The following ASF1A variants were observed in gnomAD, a reference collection of about 807,000 sequenced individuals.
ASF1A encodes the protein anti-silencing function 1A histone chaperone.
A neutral mutation model predicts 22.0 loss-of-function variants in ASF1A; 5 were observed. That is an observed-to-expected ratio of 0.23 (90% confidence interval 0.12 to 0.48). The LOEUF (loss-of-function observed/expected upper bound fraction) is 0.48, where lower values mean the gene tolerates loss of function less well. ASF1A is among the 20% of genes least tolerant of loss of function. ASF1A has a pLI of 0.99. For synonymous variants in ASF1A, 97 were observed against 86.7 expected, an observed-to-expected ratio of 1.12 and a Z score of -0.66; for missense variants, 137 against 240.6, an observed-to-expected ratio of 0.57 and a Z score of 2.85.
intron 1 of ASF1A, among the ~76,000 whole-genome samples, chr6:118,897,902 A>G (rs1779540692): frequency 6.6e-6 from 1 of 152,132 alleles, no homozygotes; most frequent in African/African-American, 2.4e-5. Context: ...CAACTGTAGC[A>G]AGCATCCCAT....
chr6:118,902,561 C>T (rs1173698506), intron 2 of ASF1A, among the ~76,000 whole-genome samples: 1 of 119,222 alleles, frequency 8.4e-6, no homozygotes, highest in African/African-American at 3.2e-5. Flanking sequence ...ACTATAAGAA[C>T]TTACAAATAA....
At chr6:118,903,086 A>C (rs566755265) in intron 2 of ASF1A, among the ~76,000 whole-genome samples, 1 of 152,242 alleles carries the variant, frequency 6.6e-6, no homozygotes, top group African/African-American at 2.4e-5. Context: ...AATGCTTTTT[A>C]AAAGATGTTT....
chr6:118,908,553 A>G lies in ASF1A; in HGVS notation c.*939A>G, dbSNP rs1232562199. The G allele has an allele frequency of 6.6e-6, 1 of 152,118 alleles. No individual in the cohort carries two copies. Among genetic ancestry groups the G allele is most frequent in the African/African-American group, 2.4e-5 (1 of 41,440 alleles). 9.4% of individuals were successfully genotyped at this position (152,118 alleles called of 1,614,324 possible). A position where few individuals can be genotyped will look rare whatever the true frequency, so the allele number is the denominator to read the frequency against. On this transcript the variant is annotated 3_prime_UTR_variant, in exon 4 of 4. Coordinates refer to ENST00000229595, the MANE Select transcript of ASF1A (RefSeq NM_014034.3). ...ATAGATACGTTACTATTTTGGAAAT[A>G]TATATATTTTCACACCTGTAGTACT...
Position 118,903,762 on chromosome 6 carries a change from GT to G in ASF1A, c.226-1885del, listed in dbSNP as rs561511008. On this transcript the variant is annotated intron_variant, in intron 2 of 3. Coordinates refer to ENST00000229595, the MANE Select transcript of ASF1A (RefSeq NM_014034.3). ...GGTGAAGTATTTCTTTTTTAAATTT[GT>G]TTTTGTAGAGATGGGGTTTCGCCAT... Among the ~76,000 whole-genome samples, 537 of 152,206 alleles carry G rather than the reference GT, an allele frequency of 3.5e-3. 7 individuals are homozygous for G. The highest frequency in any genetic ancestry group is 0.012 in the African/African-American group (511 of 41,528).
chr6:118,894,756 C>T (rs534599887), intron 1 of ASF1A, among the ~76,000 whole-genome samples: 1 of 151,580 alleles, frequency 6.6e-6, no homozygotes, highest in African/African-American at 2.4e-5. Flanking sequence ...AGCGGAGGAG[C>T]GGAGGTAGCC....
chr6:118,904,793 TA>T (rs774286053), intron 2 of ASF1A, among the ~76,000 whole-genome samples: 1 of 152,250 alleles, frequency 6.6e-6, no homozygotes, highest in Non-Finnish European at 1.5e-5. Flanking sequence ...GGATTATTAA[TA>T]TTTTTTGAAA....
chr6:118,894,279 A>C lies in ASF1A; in HGVS notation c.-135A>C. 6.8e-7 allele frequency: 1 copy of C among 1,464,462 alleles called. No homozygotes were observed. The highest frequency in any genetic ancestry group is 9.0e-7 in the Non-Finnish European group (1 of 1,114,726). 90.7% of individuals were successfully genotyped at this position (1,464,462 alleles called of 1,614,324 possible). A position where few individuals can be genotyped will look rare whatever the true frequency, so the allele number is the denominator to read the frequency against. On this transcript the variant is annotated 5_prime_UTR_variant, in exon 1 of 4. Transcript: ENST00000229595. ...CCCGTGTAAATAAAAAGAGGAAAAA[A>C]GTTTCTCAAGTCGCCGCTGCACGAC...
At chr6:118,895,143 T>G (rs1321731323) in intron 1 of ASF1A, among the ~76,000 whole-genome samples, 2 of 151,976 alleles carry the variant, frequency 1.3e-5, no homozygotes, top group Admixed American at 1.3e-4. Context: ...CGCGCTGATT[T>G]CTGGCTTCCT....
chr6:118,900,193 A>G (rs1169853445), intron 1 of ASF1A, among the ~76,000 whole-genome samples: 1 of 152,280 alleles, frequency 6.6e-6, no homozygotes, highest in East Asian at 1.9e-4. Context: ...GAAAAACCCT[A>G]CCATTGTTCG....
chr6:118,899,355 ATAGGGTTTGGT>A (rs1194413274), intron 1 of ASF1A, among the ~76,000 whole-genome samples: 5 of 152,116 alleles, frequency 3.3e-5, no homozygotes, highest in Non-Finnish European at 7.4e-5. Context: ...ATCCTCAATC[ATAGGGTTTGGT>A]GCTTTCCTCC....
At chr6:118,894,612 G>A in intron 1 of ASF1A, 90 bp downstream of exon 1, 1 of 1,169,244 alleles carries the variant, frequency 8.6e-7, no homozygotes, top group Non-Finnish European at 1.2e-6. Context: ...GGGCGGCTGT[G>A]TTCGGCGCCT....
At chr6:118,900,416 T>C (rs1779729638) in intron 1 of ASF1A, among the ~76,000 whole-genome samples, 1 of 152,222 alleles carries the variant, frequency 6.6e-6, no homozygotes, top group Non-Finnish European at 1.5e-5. Context: ...TGGATTAATG[T>C]TACTGGTGTT....
At chr6:118,900,686 TG>T in intron 1 of ASF1A, 79 bp from the exon 2 acceptor site, 1 of 994,548 alleles carries the variant, frequency 1.0e-6, no homozygotes, top group Non-Finnish European at 1.6e-6. Flanking sequence ...AGTGGCTAAG[TG>T]GACATTAAAA....
At chr6:118,897,166 T>C (rs1779480012) in intron 1 of ASF1A, among the ~76,000 whole-genome samples, 1 of 152,198 alleles carries the variant, frequency 6.6e-6, no homozygotes, top group Admixed American at 6.5e-5. Context: ...AAAAGAATTT[T>C]CTTAATAAGT....
At chr6:118,901,856 T>C (rs1199791199) in intron 2 of ASF1A, among the ~76,000 whole-genome samples, 2 of 152,188 alleles carry the variant, frequency 1.3e-5, no homozygotes, top group Non-Finnish European at 2.9e-5. Context: ...ACCTCTGTTT[T>C]CTCACTTCAC....
chr6:118,904,742 A>G (rs1008114342), intron 2 of ASF1A, among the ~76,000 whole-genome samples: 16 of 152,262 alleles, frequency 1.1e-4, no homozygotes, highest in African/African-American at 3.9e-4. Flanking sequence ...TAAAGAGCAT[A>G]CTATATTGTA....
intron 2 of ASF1A, chr6:118,901,136 A>C (rs1779774764): frequency 3.1e-6 from 1 of 323,414 alleles, no homozygotes; most frequent in African/African-American, 2.1e-5. Flanking sequence ...TAAATTTTAT[A>C]CTGTATCATG....
At chr6:118,897,863 TA>T (rs1003920536) in intron 1 of ASF1A, among the ~76,000 whole-genome samples, 1 of 151,312 alleles carries the variant, frequency 6.6e-6, no homozygotes, top group African/African-American at 2.4e-5. Flanking sequence ...TGCCAATGTA[TA>T]AAAGGGTATT....
rs1779180708 is a variant in ASF1A at position 118,894,243 on chromosome 6, T to C, written c.-171T>C. On this transcript the variant is annotated 5_prime_UTR_variant, in exon 1 of 4. Transcript: ENST00000229595. ...GTGAAATAGGAAAGCTGCAAAACAC[T>C]GTGGAGTGCTCCCGTGTAAATAAAA... The C allele has an allele frequency of 1.4e-6, 2 of 1,444,552 alleles. No individual in the cohort carries two copies. The highest frequency in any genetic ancestry group is 2.7e-5 in the Admixed American group (1 of 37,372). 89.5% of individuals were successfully genotyped at this position (1,444,552 alleles called of 1,614,324 possible).
Sources: gnomAD v4.1 joint callset for allele counts (sites outside exome capture counted in the v4.1 genomes callset) on GRCh38, gnomAD v4.1.1 for gene constraint, MANE v1.5 for transcripts, NCBI Gene and HGNC (gene_info 2026-07-23, HGNC 2026-07-21) for gene names.